The following ATP10D variants were observed in gnomAD, a reference collection of about 807,000 sequenced individuals.
The protein encoded by ATP10D is ATPase phospholipid transporting 10D (putative), also known as phospholipid-transporting ATPase VD.
In ATP10D, 89 loss-of-function variants were observed where a neutral mutation model predicts 144.8. That is an observed-to-expected ratio of 0.61 (90% CI 0.52 to 0.73). The LOEUF (loss-of-function observed/expected upper bound fraction) is 0.73. Among genes scored for constraint, ATP10D ranks in the 30% least tolerant of loss-of-function variants. ATP10D has a pLI of 0.00. For missense variants in ATP10D, 1,603 were observed against 1,714.8 expected (o/e 0.93, Z 1.15); for synonymous variants, 571 against 615.1 (o/e 0.93, Z 1.06).
intron 9 of ATP10D, among the ~76,000 whole-genome samples, chr4:47,542,504 A>T (rs1346286414): frequency 6.6e-6 from 1 of 152,006 alleles, no homozygotes; most frequent in African/African-American, 2.4e-5. Flanking sequence ...TTTTTTGAGA[A>T]GGAGTCTAGT....
chr4:47,503,164 T>C (rs961828885), intron 1 of ATP10D, among the ~76,000 whole-genome samples: 1 of 152,182 alleles, frequency 6.6e-6, no homozygotes, highest in African/African-American at 2.4e-5. Flanking sequence ...ACCGGACCAC[T>C]GCACTCCAGC....
intron 1 of ATP10D, among the ~76,000 whole-genome samples, chr4:47,508,365 T>C (rs534004694): frequency 6.6e-6 from 1 of 152,348 alleles, no homozygotes; most frequent in South Asian, 2.1e-4. Context: ...CTAAGCCCAA[T>C]GTATAAGATT....
intron 1 of ATP10D, chr4:47,491,606 G>T: frequency 3.2e-6 from 1 of 315,228 alleles, no homozygotes; most frequent in Non-Finnish European, 5.9e-6. Context: ...GCTTCAGTTT[G>T]GTCCCAACCT....
chr4:47,586,208 G>A (rs1356803657), intron 21 of ATP10D, among the ~76,000 whole-genome samples: 1 of 152,202 alleles, frequency 6.6e-6, no homozygotes, highest in Non-Finnish European at 1.5e-5. Context: ...GTGAGATTGA[G>A]ATGATATCTC....
At chr4:47,525,789 A>AT in intron 5 of ATP10D, 147 bp downstream of exon 5, 1 of 621,080 alleles carries the variant, frequency 1.6e-6, no homozygotes, top group East Asian at 2.8e-5. Context: ...AGTTTGGCTT[A>AT]TTTTAATTAT....
chr4:47,519,547 C>A (rs916958681), intron 3 of ATP10D, among the ~76,000 whole-genome samples: 1 of 152,164 alleles, frequency 6.6e-6, no homozygotes, highest in African/African-American at 2.4e-5. Context: ...TTCCATCTCC[C>A]AACACTGTAA....
chr4:47,550,552 G>A (rs986684704), intron 10 of ATP10D, among the ~76,000 whole-genome samples: 16 of 152,060 alleles, frequency 1.1e-4, no homozygotes, highest in South Asian at 2.1e-4. Flanking sequence ...AAATGGTGGC[G>A]GGCCACTTCC....
intron 5 of ATP10D, among the ~76,000 whole-genome samples, chr4:47,532,075 C>T (rs1717598449): frequency 1.3e-5 from 2 of 152,318 alleles, no homozygotes; most frequent in Middle Eastern, 3.4e-3. Flanking sequence ...GACTCCGGCT[C>T]TTGCTACCTC....
intron 21 of ATP10D, among the ~76,000 whole-genome samples, chr4:47,582,665 G>A (rs7694197): frequency 0.65 from 98,707 of 151,968 alleles, 32,382 homozygotes; most frequent in South Asian, 0.72. Context: ...GGCACTTAGC[G>A]TATCTTTTAA....
chr4:47,575,891 A>C (rs1325487961), intron 18 of ATP10D, among the ~76,000 whole-genome samples: 1 of 151,172 alleles, frequency 6.6e-6, no homozygotes, highest in African/African-American at 2.4e-5. Flanking sequence ...CTTACATAAA[A>C]AGAGATGAGA....
chr4:47,499,365 T>G lies in ATP10D; in HGVS notation c.-37-13139T>G, dbSNP rs374242569. Among the ~76,000 whole-genome samples, 348 of 152,302 alleles carry G rather than the reference T, an allele frequency of 2.3e-3. 3 individuals carry two copies. Among genetic ancestry groups the G allele is most frequent in the African/African-American group, 8.0e-3 (333 of 41,566 alleles). On this transcript the variant is annotated intron_variant, in intron 1 of 22. Coordinates refer to ENST00000273859, the MANE Select transcript of ATP10D (RefSeq NM_020453.4). ...AAAAGAAATCTCTAAATAGTGAAAA[T>G]AGATTTCACTAAATAAATCTTGCTG...
At chr4:47,564,845 A>G (rs548142889) in intron 15 of ATP10D, among the ~76,000 whole-genome samples, 4 of 152,216 alleles carry the variant, frequency 2.6e-5, no homozygotes, top group Non-Finnish European at 5.9e-5. Context: ...TTAACCAGTG[A>G]TATCAATCCC....
chr4:47,504,180 A>C (rs79707591), intron 1 of ATP10D, among the ~76,000 whole-genome samples: 2,225 of 152,320 alleles, frequency 0.015, 60 homozygotes, highest in African/African-American at 0.052. Flanking sequence ...TTTTCCCACA[A>C]AATAAATTGA....
chr4:47,544,747 A>G (rs1269941103), intron 9 of ATP10D, among the ~76,000 whole-genome samples: 1 of 152,210 alleles, frequency 6.6e-6, no homozygotes, highest in African/African-American at 2.4e-5. Context: ...GACAAAAACT[A>G]TTACAAAAAA....
chr4:47,528,503 G>GTA (rs1254442950), intron 5 of ATP10D, among the ~76,000 whole-genome samples: 1 of 28,496 alleles, frequency 3.5e-5, no homozygotes, highest in African/African-American at 1.2e-4. Context: ...GTGTGTGTGT[G>GTA]TGTGTGTGTG....
At chr4:47,573,496 C>T (rs1236707803) in intron 18 of ATP10D, among the ~76,000 whole-genome samples, 1 of 152,180 alleles carries the variant, frequency 6.6e-6, no homozygotes, top group Non-Finnish European at 1.5e-5. Flanking sequence ...ATTCTCTAGC[C>T]AACCTATAAA....
intron 5 of ATP10D, among the ~76,000 whole-genome samples, chr4:47,534,643 T>G (rs1717744120): frequency 6.6e-6 from 1 of 152,198 alleles, no homozygotes; most frequent in Non-Finnish European, 1.5e-5. Context: ...CCATCGCTTA[T>G]CATTGCCTAG....
At position 47,536,440 on chromosome 4, in the gene ATP10D, A is replaced by G; in HGVS notation, c.1019A>G (p.His340Arg). The change falls in exon 8 of 23, where the codon CAT becomes CGT. Residue 340 changes from histidine to arginine, a missense_variant. Transcript: ENST00000273859. ...VIMCLTGAVG[H>R]GIWLSRYEKM... ...ATGTCTGTGTATTTTTTGAAAGGTC[A>G]TGGAATCTGGCTGAGCAGGTATGAA... 4 of 1,612,708 alleles carry G rather than the reference A, an allele frequency of 2.5e-6. No homozygotes were observed. The highest frequency in any genetic ancestry group is 1.7e-5 in the Admixed American group (1 of 59,756).
intron 5 of ATP10D, among the ~76,000 whole-genome samples, chr4:47,531,862 C>T (rs1042451416): frequency 6.6e-6 from 1 of 152,098 alleles, no homozygotes; most frequent in African/African-American, 2.4e-5. Flanking sequence ...TCAGACTTGC[C>T]CCTAGCAGGA....
Sources: gnomAD v4.1 joint callset for allele counts (sites outside exome capture counted in the v4.1 genomes callset) on GRCh38, gnomAD v4.1.1 for gene constraint, MANE v1.5 for transcripts, NCBI Gene and HGNC (gene_info 2026-07-23, HGNC 2026-07-21) for gene names.